Variants in LPP observed in about 807,000 individuals in gnomAD.
LPP encodes lipoma-preferred partner.
In LPP, 38 loss-of-function variants were observed where a neutral mutation model predicts 60.4. That is an observed-to-expected ratio of 0.63 (90% CI 0.49 to 0.83). The LOEUF (loss-of-function observed/expected upper bound fraction) is 0.83, where lower values mean the gene tolerates loss of function less well. Ranked by LOEUF, LPP falls within the 40% of genes least tolerant of loss-of-function variation. LPP has a pLI of 0.00. For synonymous variants in LPP, 328 were observed against 290.8 expected (o/e 1.13, Z -1.30); for missense variants, 902 against 783.6 (o/e 1.15, Z -1.80).
rs540366031 is a variant in LPP, at chr3:188,701,677, T to C, written c.1114-6590T>C. Among the ~76,000 whole-genome samples the C allele has an allele frequency of 3.9e-5, 6 of 152,050 alleles. No homozygotes were observed. In the South Asian group the frequency reaches 6.2e-4, roughly 16 times the overall value. On this transcript the variant is annotated intron_variant, in intron 7 of 11. Transcript: ENST00000617246. Reference sequence around the variant, plus strand: ...GGTGAGCAGTTAGCAGGCTCTGCCATGCTTAGTAAACATCAGTCCTTTTTA... The same window carrying C: ...GGTGAGCAGTTAGCAGGCTCTGCCACGCTTAGTAAACATCAGTCCTTTTTA...
intron 4 of LPP, among the ~76,000 whole-genome samples, chr3:188,431,525 G>T (rs1188469841): frequency 6.6e-6 from 1 of 152,104 alleles, no homozygotes; most frequent in East Asian, 1.9e-4. Flanking sequence ...ATTATGCAGG[G>T]ATGGTCCATC....
intron 6 of LPP, among the ~76,000 whole-genome samples, chr3:188,562,937 T>A (rs1473458012): frequency 6.6e-6 from 1 of 152,004 alleles, no homozygotes; most frequent in Non-Finnish European, 1.5e-5. Context: ...TCAAATAATA[T>A]AAACGGTAAT....
At chr3:188,321,447 TG>T (rs1756934886) in intron 2 of LPP, among the ~76,000 whole-genome samples, 1 of 152,262 alleles carries the variant, frequency 6.6e-6, no homozygotes, top group South Asian at 2.1e-4. Context: ...GCTTAGAGCC[TG>T]GGAAGAACAT....
chr3:188,154,975 T>G (rs926398704), intron 1 of LPP, among the ~76,000 whole-genome samples: 1 of 152,022 alleles, frequency 6.6e-6, no homozygotes, highest in Non-Finnish European at 1.5e-5. Flanking sequence ...GGTTGAGGAG[T>G]TTCCTGAAGC....
intron 2 of LPP, among the ~76,000 whole-genome samples, chr3:188,238,816 A>G (rs944511279): frequency 2.0e-5 from 3 of 152,230 alleles, no homozygotes; most frequent in Non-Finnish European, 2.9e-5. Context: ...GAGCCATGAA[A>G]TGAGCACATG....
chr3:188,786,166 G>A (rs915549338), intron 9 of LPP, among the ~76,000 whole-genome samples: 3 of 151,756 alleles, frequency 2.0e-5, no homozygotes, highest in Non-Finnish European at 4.4e-5. Context: ...GATCACTTGA[G>A]GTCAGGAGTT....
intron 4 of LPP, among the ~76,000 whole-genome samples, chr3:188,424,007 GT>G (rs1788608806): frequency 6.6e-6 from 1 of 152,034 alleles, no homozygotes; most frequent in African/African-American, 2.4e-5. Context: ...TGCTTTTGGT[GT>G]TTTAGTCATA....
Position 188,874,532 on chromosome 3 carries a change from A to T in LPP, c.*53A>T. The T allele has an allele frequency of 6.3e-7, 1 of 1,591,706 alleles. No individual in the cohort carries two copies. Among genetic ancestry groups the T allele is most frequent in the Non-Finnish European group, 8.6e-7 (1 of 1,163,688 alleles). ...AGAAGAACGAACACAAGAAAAAGAT[A>T]AGAAATACTAGAGTAAAGGCCATCA... On this transcript the variant is annotated 3_prime_UTR_variant, in exon 12 of 12. Transcript: ENST00000617246.
At chr3:188,624,090 A>G (rs972839131) in intron 7 of LPP, among the ~76,000 whole-genome samples, 2 of 152,216 alleles carry the variant, frequency 1.3e-5, no homozygotes, top group Non-Finnish European at 2.9e-5. Context: ...CCTTAGCTCC[A>G]TTGTTCTGCA....
At chr3:188,563,216 G>A (rs1831162423) in intron 6 of LPP, among the ~76,000 whole-genome samples, 2 of 151,880 alleles carry the variant, frequency 1.3e-5, no homozygotes, top group Admixed American at 1.3e-4. Context: ...ACCACGTTGT[G>A]GAACCAGCCT....
intron 8 of LPP, among the ~76,000 whole-genome samples, chr3:188,757,889 G>GGTTT (rs1553833772): frequency 3.8e-5 from 3 of 78,738 alleles, no homozygotes; most frequent in African/African-American, 1.0e-4. Context: ...TGTTTTTTTG[G>GGTTT]TTTTTTTTTT....
chr3:188,757,482 T>A (rs558137614), intron 8 of LPP, among the ~76,000 whole-genome samples: 2 of 152,322 alleles, frequency 1.3e-5, no homozygotes, highest in South Asian at 4.1e-4. Flanking sequence ...ACTTCGGGCA[T>A]CATAGTCTGA....
chr3:188,735,016 ACGT>A (rs1721997364), intron 8 of LPP, among the ~76,000 whole-genome samples: 1 of 152,204 alleles, frequency 6.6e-6, no homozygotes, highest in South Asian at 2.1e-4. Flanking sequence ...TGGAGTATTC[ACGT>A]CGTTGTTGAT....
chr3:188,760,038 C>A, intron 8 of LPP, 75 bp from the exon 9 acceptor site: 1 of 1,351,038 alleles, frequency 7.4e-7, no homozygotes, highest in Non-Finnish European at 1.0e-6. Context: ...TATGAACCTG[C>A]TTTCTCCTCC....
rs1771116100 is a variant in LPP, at chr3:188,890,366, T to C, written c.*15887T>C. 4.9e-6 allele frequency: 1 copy of C among 203,370 alleles called. No individual in the cohort carries two copies. Among genetic ancestry groups the C allele is most frequent in the Non-Finnish European group, 1.0e-5 (1 of 99,106 alleles). 12.6% of individuals were successfully genotyped at this position (203,370 alleles called of 1,614,324 possible). A position where few individuals can be genotyped will look rare whatever the true frequency, so the allele number is the denominator to read the frequency against. ...TCTTTTTTCTTGTATTCTTAGCAAA[T>C]TGCATTTATTCACTACATTACAAAC... On this transcript the variant is annotated 3_prime_UTR_variant, in exon 12 of 12. Transcript: ENST00000617246.
chr3:188,571,169 C>T (rs187763171), intron 6 of LPP, among the ~76,000 whole-genome samples: 1 of 152,172 alleles, frequency 6.6e-6, no homozygotes, highest in African/African-American at 2.4e-5. Flanking sequence ...TTTCATGCTC[C>T]ATGAGGATCA....
chr3:188,621,564 T>C (rs1845804227), intron 7 of LPP, among the ~76,000 whole-genome samples: 1 of 152,228 alleles, frequency 6.6e-6, no homozygotes, highest in Admixed American at 6.5e-5. Context: ...TTAAATCTAG[T>C]CTACCATTTC....
chr3:188,579,217 G>C (rs1835469022), intron 6 of LPP, among the ~76,000 whole-genome samples: 1 of 152,144 alleles, frequency 6.6e-6, no homozygotes, highest in Non-Finnish European at 1.5e-5. Context: ...CATCCCAGGG[G>C]ATTTTACTAA....
chr3:188,507,195 T>C (rs1051372820), intron 5 of LPP, among the ~76,000 whole-genome samples: 3 of 152,188 alleles, frequency 2.0e-5, no homozygotes, highest in Non-Finnish European at 4.4e-5. Flanking sequence ...ATAGGAATTC[T>C]CTGGGAAAGG....
Sources: gnomAD v4.1 joint callset for allele counts (sites outside exome capture counted in the v4.1 genomes callset) on GRCh38, gnomAD v4.1.1 for gene constraint, MANE v1.5 for transcripts, NCBI Gene and HGNC (gene_info 2026-07-23, HGNC 2026-07-21) for gene names.